Variants in SPATS2L observed in about 807,000 individuals in gnomAD.
SPATS2L encodes SPATS2-like protein.
A neutral mutation model predicts 59.6 loss-of-function variants in SPATS2L; 30 were observed. That is an observed-to-expected ratio of 0.50 (90% CI 0.38 to 0.68). The LOEUF (loss-of-function observed/expected upper bound fraction) is 0.68, where lower values mean the gene tolerates loss of function less well. Ranked by LOEUF, SPATS2L falls within the 30% of genes least tolerant of loss-of-function variation. The pLI, the probability that SPATS2L is intolerant of heterozygous loss-of-function variation, is 0.00. For missense variants in SPATS2L, 615 were observed against 700.0 expected (o/e 0.88, Z 1.37); for synonymous variants, 252 against 263.5 (o/e 0.96, Z 0.42).
intron 9 of SPATS2L, among the ~76,000 whole-genome samples, 166 bp from the exon 10 acceptor site, chr2:200,467,124 G>A (rs75589893): frequency 0.015 from 2,274 of 152,278 alleles, 41 homozygotes; most frequent in African/African-American, 0.051. Flanking sequence ...CTGGGTTGTT[G>A]GTAATAGGCA....
chr2:200,316,044 A>G (rs1026508450), intron 1 of SPATS2L, among the ~76,000 whole-genome samples: 2 of 151,326 alleles, frequency 1.3e-5, no homozygotes, highest in East Asian at 1.9e-4. Flanking sequence ...AAAAAAAAAA[A>G]AGAGATATGC....
intron 9 of SPATS2L, 86 bp downstream of exon 9, chr2:200,459,913 T>C: frequency 1.0e-6 from 1 of 995,722 alleles, no homozygotes; most frequent in East Asian, 2.5e-5. Context: ...TACCGGCTTC[T>C]GAACAGGGTC....
intron 1 of SPATS2L, among the ~76,000 whole-genome samples, chr2:200,326,196 T>C (rs539442302): frequency 1.3e-5 from 2 of 152,308 alleles, no homozygotes; most frequent in South Asian, 4.1e-4. Context: ...ATAATAGCCT[T>C]GAACTCTGGG....
chr2:200,463,552 C>T (rs2086388872), intron 9 of SPATS2L, among the ~76,000 whole-genome samples: 1 of 152,062 alleles, frequency 6.6e-6, no homozygotes, highest in African/African-American at 2.4e-5. Context: ...TACGAAACAC[C>T]TCATGTATGT....
At chr2:200,473,148 G>T in intron 12 of SPATS2L, 96 bp downstream of exon 12, 1 of 1,228,320 alleles carries the variant, frequency 8.1e-7, no homozygotes, top group Non-Finnish European at 1.1e-6. Flanking sequence ...GGGCCTCCTG[G>T]GGTCACACTC....
rs554974502 is a variant in SPATS2L at position 200,336,287 on chromosome 2, G to A, written c.-23+6807G>A. On this transcript the variant is annotated intron_variant, in intron 2 of 12. Coordinates refer to ENST00000409140, the MANE Select transcript of SPATS2L (RefSeq NM_001100423.2). ...TTCACCTTGTTTAATCATGAACTTC[G>A]TCCTGTTCGTATTGCCTTGAGATAT... Among the ~76,000 whole-genome samples, 15 of 152,150 alleles carry A rather than the reference G, an allele frequency of 9.9e-5. No homozygotes were observed. In the East Asian group the frequency reaches 1.2e-3, roughly 12 times the overall value.
At chr2:200,388,952 G>C (rs1046449172) in intron 2 of SPATS2L, among the ~76,000 whole-genome samples, 1 of 152,144 alleles carries the variant, frequency 6.6e-6, no homozygotes, top group Non-Finnish European at 1.5e-5. Context: ...ATAATAGGAA[G>C]AAACACAATT....
At chr2:200,371,766 G>T (rs778524652) in intron 2 of SPATS2L, among the ~76,000 whole-genome samples, 1 of 152,208 alleles carries the variant, frequency 6.6e-6, no homozygotes, top group Non-Finnish European at 1.5e-5. Context: ...GTTCAGTGTT[G>T]AAGCTTCACC....
At position 200,420,941 on chromosome 2, in the gene SPATS2L, G is replaced by A. The variant is rs564218120; in HGVS notation, c.445+1445G>A. 9.5e-4 allele frequency among the ~76,000 whole-genome samples: 145 copies of A among 152,158 alleles called. 1 individual carries two copies. The highest frequency in any genetic ancestry group is 3.4e-3 in the African/African-American group (140 of 41,514). On this transcript the variant is annotated intron_variant, in intron 6 of 12. Transcript: ENST00000409140. ...GCTAATTTTTAAAAATGCCCGCTCA[G>A]TTTTTCAGAATGCCTCCTAAAAGGT...
At chr2:200,372,240 T>C in intron 2 of SPATS2L, 2 of 969,950 alleles carry the variant, frequency 2.1e-6, no homozygotes, top group African/African-American at 3.5e-5. Context: ...AGGTCCCCCA[T>C]CTTCCCGAAC....
chr2:200,440,147 T>C (rs1382622605), intron 7 of SPATS2L, among the ~76,000 whole-genome samples: 1 of 152,238 alleles, frequency 6.6e-6, no homozygotes, highest in Non-Finnish European at 1.5e-5. Flanking sequence ...CTTTCAATGC[T>C]GCTGCTCTAA....
chr2:200,451,820 GTTTTCTTTTTTC>G (rs2085468245), intron 8 of SPATS2L, among the ~76,000 whole-genome samples: 1 of 138,806 alleles, frequency 7.2e-6, no homozygotes, highest in Non-Finnish European at 1.6e-5. Context: ...TGCCCCCACC[GTTTTCTTTTTTC>G]TTTTCTTTTT....
chr2:200,318,268 G>A (rs547726454), intron 1 of SPATS2L, among the ~76,000 whole-genome samples: 236 of 152,202 alleles, frequency 1.6e-3, no homozygotes, highest in Non-Finnish European at 2.7e-3. Context: ...TTCCTTTCTC[G>A]TTTATTTCTC....
chr2:200,440,173 C>T (rs1443679154), intron 7 of SPATS2L, among the ~76,000 whole-genome samples: 1 of 152,216 alleles, frequency 6.6e-6, no homozygotes, highest in Admixed American at 6.5e-5. Context: ...GGCCTGGCTT[C>T]GGATGATGGG....
chr2:200,382,038 A>C (rs1038661999), intron 2 of SPATS2L, among the ~76,000 whole-genome samples: 1 of 152,142 alleles, frequency 6.6e-6, no homozygotes, highest in African/African-American at 2.4e-5. Flanking sequence ...AGGAAGCTGC[A>C]GGAAAACAGC....
At chr2:200,329,291 C>A in intron 1 of SPATS2L, 140 bp from the exon 2 acceptor site, 1 of 695,546 alleles carries the variant, frequency 1.4e-6, no homozygotes, top group Non-Finnish European at 2.6e-6. Flanking sequence ...AGTCACATAG[C>A]TGTTAAGTCA....
At chr2:200,383,316 C>T (rs700634) in intron 2 of SPATS2L, among the ~76,000 whole-genome samples, 151,070 of 152,364 alleles carry the variant, frequency 0.99, 74,901 homozygotes, top group Middle Eastern at 1. Context: ...AATTTTAATA[C>T]TGTATTTTAT....
intron 6 of SPATS2L, among the ~76,000 whole-genome samples, chr2:200,435,185 A>G (rs2084197532): frequency 6.6e-6 from 1 of 152,170 alleles, no homozygotes; most frequent in South Asian, 2.1e-4. Context: ...CACTCTCCAT[A>G]TGTGTCTGTT....
At chr2:200,443,989 C>T (rs2084868226) in intron 8 of SPATS2L, among the ~76,000 whole-genome samples, 1 of 152,174 alleles carries the variant, frequency 6.6e-6, no homozygotes, top group African/African-American at 2.4e-5. Flanking sequence ...ATGACCATAA[C>T]AGAGCATTCT....
Sources: allele counts gnomAD v4.1 joint callset (sites outside exome capture counted in the v4.1 genomes callset), GRCh38; gene constraint gnomAD v4.1.1; transcripts MANE v1.5; gene names NCBI Gene and HGNC (gene_info 2026-07-23, HGNC 2026-07-21).